PDXDC1: variants seen among roughly 807,000 people sequenced by gnomAD.
PDXDC1 encodes the protein pyridoxal dependent decarboxylase domain containing 1.
Under a neutral mutation model 100.1 loss-of-function variants are expected in PDXDC1, and 42 were observed. That is an observed-to-expected ratio of 0.42 (90% CI 0.33 to 0.54). The LOEUF is 0.54. PDXDC1 is among the 20% of genes least tolerant of loss of function. The pLI, the probability that PDXDC1 is intolerant of heterozygous loss-of-function variation, is 0.10. For synonymous variants in PDXDC1, 260 were observed against 371.7 expected (o/e 0.70, Z 3.46); for missense variants, 636 against 979.2 (o/e 0.65, Z 4.68).
intron 16 of PDXDC1, among the ~76,000 whole-genome samples, chr16:15,066,160 A>G (rs1055976819): frequency 6.6e-6 from 1 of 152,192 alleles, no homozygotes; most frequent in Non-Finnish European, 1.5e-5. Flanking sequence ...CAAGGCTCAC[A>G]GCACTTGACC....
At chr16:15,068,440 G>A (rs2045074422) in intron 16 of PDXDC1, among the ~76,000 whole-genome samples, 1 of 152,134 alleles carries the variant, frequency 6.6e-6, no homozygotes, top group Admixed American at 6.5e-5. Context: ...CACAGTATAT[G>A]GCCCAGAAGA....
chr16:15,092,994 A>G (rs915828282), intron 16 of PDXDC1, among the ~76,000 whole-genome samples: 1 of 151,798 alleles, frequency 6.6e-6, no homozygotes, highest in Admixed American at 6.6e-5. Context: ...CTTTTCCCAA[A>G]TCTCTACGTG....
chr16:15,020,265 GAGGAA>G (rs2042090255), intron 12 of PDXDC1, among the ~76,000 whole-genome samples: 1 of 152,276 alleles, frequency 6.6e-6, no homozygotes, highest in Non-Finnish European at 1.5e-5. Flanking sequence ...AGGATGGCTC[GAGGAA>G]CGAATACAGG....
intron 16 of PDXDC1, chr16:15,135,500 G>T (rs1427954973): frequency 2.5e-6 from 3 of 1,176,812 alleles, no homozygotes; most frequent in Admixed American, 3.8e-5. Flanking sequence ...CCCGGCCCAG[G>T]AGACAGCGCG....
chr16:15,057,127 A>G (rs559212038), intron 16 of PDXDC1, among the ~76,000 whole-genome samples: 79 of 152,286 alleles, frequency 5.2e-4, no homozygotes, highest in Non-Finnish European at 8.4e-4. Flanking sequence ...GAATTTTATC[A>G]TCTGTATTCA....
At chr16:15,080,329 A>G (rs2045645885) in intron 16 of PDXDC1, among the ~76,000 whole-genome samples, 3 of 152,240 alleles carry the variant, frequency 2.0e-5, no homozygotes, top group Non-Finnish European at 2.9e-5. Context: ...GTTTTTAAGT[A>G]GCTGTATTGA....
At chr16:15,150,055 G>A in the PDXDC1 span, among the ~76,000 whole-genome samples, 4 of 152,084 alleles carry the variant, frequency 2.6e-5, no homozygotes, top group East Asian at 3.9e-4. Flanking sequence ...GACATCATCG[G>A]ACATTTAAAA....
intron 16 of PDXDC1, chr16:15,071,091 A>G: frequency 1.3e-6 from 2 of 1,576,584 alleles, no homozygotes; most frequent in South Asian, 1.2e-5. Context: ...GCATGATATT[A>G]AAAAGTATTC....
At chr16:15,144,076 C>CA (rs1491511188), downstream of PDXDC1, among the ~76,000 whole-genome samples, 2 of 152,192 alleles carry the variant, frequency 1.3e-5, no homozygotes, top group Non-Finnish European at 2.9e-5. Flanking sequence ...CCCATGCCCC[C>CA]TGCCAGGCCC....
At chr16:15,149,115 G>C in the PDXDC1 span, among the ~76,000 whole-genome samples, 1 of 152,176 alleles carries the variant, frequency 6.6e-6, no homozygotes, top group Non-Finnish European at 1.5e-5. Flanking sequence ...GCTCTTCCTA[G>C]AAGACACGGG....
In PDXDC1 at chr16:15,074,771, G is replaced by A. The variant is rs150785898; in HGVS notation, c.1399+44715G>A. 4.9e-5 allele frequency: 79 copies of A among 1,614,068 alleles called. No homozygotes were observed. In the East Asian group the frequency reaches 1.7e-3, roughly 34 times the overall value. On this transcript the variant is annotated intron_variant, in intron 16 of 16. Transcript: ENST00000535621. Reference sequence around the variant, plus strand: ...ATGTAGGACAAAACCAAAGACATCAGGATGTCCAGGCGCTCGGCTACAGGA... The same window carrying A: ...ATGTAGGACAAAACCAAAGACATCAAGATGTCCAGGCGCTCGGCTACAGGA...
intron 3 of PDXDC1, among the ~76,000 whole-genome samples, chr16:15,000,375 T>TCGA (rs1419593447): frequency 3.9e-5 from 6 of 152,414 alleles, no homozygotes; most frequent in Admixed American, 6.5e-5. Context: ...AATAGCTTGC[T>TCGA]CGAGGTCATG....
At chr16:15,091,204 G>A in intron 16 of PDXDC1, 1 of 1,309,118 alleles carries the variant, frequency 7.6e-7, no homozygotes, top group South Asian at 1.4e-5. Context: ...TAAAATAAGG[G>A]AGGACCATGG....
At chr16:15,000,951 ATATAT>A (rs753269163) in intron 3 of PDXDC1, among the ~76,000 whole-genome samples, 91 of 149,232 alleles carry the variant, frequency 6.1e-4, no homozygotes, top group Admixed American at 1.7e-3. Context: ...TAATACACTT[ATATAT>A]TATAAGTACA....
chr16:15,109,713 G>A (rs1423165809), intron 16 of PDXDC1, among the ~76,000 whole-genome samples: 1 of 126,538 alleles, frequency 7.9e-6, no homozygotes, highest in Admixed American at 9.1e-5. Flanking sequence ...TTGGCCGAAT[G>A]TGGCGGCACA....
intron 1 of PDXDC1, chr16:14,989,532 T>G: frequency 6.2e-7 from 1 of 1,612,196 alleles, no homozygotes; most frequent in South Asian, 1.1e-5. Flanking sequence ...CTCCGTGGGG[T>G]TGTTGAGCTG....
intron 16 of PDXDC1, among the ~76,000 whole-genome samples, chr16:15,091,672 G>A (rs2046135007): frequency 6.6e-6 from 1 of 152,170 alleles, no homozygotes; most frequent in South Asian, 2.1e-4. Context: ...AAAACAGCCA[G>A]CTATAATGAT....
chr16:15,137,648 G>A lies in PDXDC1; in HGVS notation c.1400-1231G>A, dbSNP rs1483938472. 25 of 1,330,492 alleles carry A rather than the reference G, an allele frequency of 1.9e-5. No individual in the cohort carries two copies. The Admixed American group carries it at 2.6e-4, about 14-fold the overall frequency. 82.4% of individuals were successfully genotyped at this position (1,330,492 alleles called of 1,614,324 possible). A position where few individuals can be genotyped will look rare whatever the true frequency, so the allele number is the denominator to read the frequency against. On this transcript the variant is annotated intron_variant, in intron 16 of 16. Transcript: ENST00000535621. ...GGCTCCCATGCTGTTCCCTTGGCCC[G>A]GAGCCCCCCCCCAGAGAGGCCTTCC...
intron 16 of PDXDC1, chr16:15,128,238 T>C: frequency 6.2e-7 from 1 of 1,611,264 alleles, no homozygotes. Flanking sequence ...CGTGCCACAC[T>C]CGGATCTTCC....
Sources: gnomAD v4.1 joint callset for allele counts (sites outside exome capture counted in the v4.1 genomes callset) on GRCh38, gnomAD v4.1.1 for gene constraint, MANE v1.5 for transcripts, NCBI Gene and HGNC (gene_info 2026-07-23, HGNC 2026-07-21) for gene names.